SRBD1: variants seen among roughly 807,000 people sequenced by gnomAD.
SRBD1 encodes S1 RNA-binding domain-containing protein 1.
In SRBD1, 88 loss-of-function variants were observed where a neutral mutation model predicts 115.3. The ratio of observed to expected loss-of-function variants is 0.76; its 90% CI spans 0.64 to 0.91. The LOEUF (loss-of-function observed/expected upper bound fraction) is 0.91. Among genes scored for constraint, SRBD1 ranks in the 40% least tolerant of loss-of-function variants. The probability of loss-of-function intolerance (pLI) is 0.00; values close to 1 mark genes in which losing one functional copy is unlikely to be tolerated. For synonymous variants in SRBD1, 509 were observed against 407.7 expected, an observed-to-expected ratio of 1.25 and a Z score of -2.99; for missense variants, 1,385 against 1,177.4, an observed-to-expected ratio of 1.18 and a Z score of -2.58.
At chr2:45,564,127 G>A (rs1207215031) in intron 9 of SRBD1, among the ~76,000 whole-genome samples, 1 of 152,024 alleles carries the variant, frequency 6.6e-6, no homozygotes, top group African/African-American at 2.4e-5. Flanking sequence ...AGGAATGCCC[G>A]GTTGATTTAA....
At chr2:45,496,665 A>G (rs1053076324) in intron 14 of SRBD1, among the ~76,000 whole-genome samples, 12 of 152,138 alleles carry the variant, frequency 7.9e-5, no homozygotes, top group Admixed American at 7.9e-4. Flanking sequence ...AATGACATAC[A>G]TTCATGATGC....
At chr2:45,476,190 T>A (rs1415491070) in intron 16 of SRBD1, among the ~76,000 whole-genome samples, 4 of 152,188 alleles carry the variant, frequency 2.6e-5, no homozygotes, top group Non-Finnish European at 4.4e-5. Flanking sequence ...TACCATGAGA[T>A]CTTGGGTAAA....
At chr2:45,534,093 GT>G (rs1038290260) in intron 14 of SRBD1, among the ~76,000 whole-genome samples, 4 of 151,908 alleles carry the variant, frequency 2.6e-5, no homozygotes, top group Admixed American at 2.6e-4. Context: ...TACAAAACTG[GT>G]AAAACATTTT....
At chr2:45,432,986 TCCAGATGAAACAC>T (rs1274056843) in intron 16 of SRBD1, among the ~76,000 whole-genome samples, 2 of 152,174 alleles carry the variant, frequency 1.3e-5, no homozygotes, top group Non-Finnish European at 2.9e-5. Context: ...TTAAAGTCCT[TCCAGATGAAACAC>T]TGTGGACTAC....
At chr2:45,467,984 A>C (rs1669539410) in intron 16 of SRBD1, among the ~76,000 whole-genome samples, 2 of 152,144 alleles carry the variant, frequency 1.3e-5, no homozygotes, top group African/African-American at 4.8e-5. Flanking sequence ...TATAAGCAAC[A>C]CCAACCAGTT....
intron 16 of SRBD1, among the ~76,000 whole-genome samples, chr2:45,472,391 A>G (rs546765700): frequency 3.3e-5 from 5 of 152,254 alleles, no homozygotes; most frequent in Non-Finnish European, 7.3e-5. Context: ...TCACAACTCC[A>G]TGACTATACT....
intron 14 of SRBD1, among the ~76,000 whole-genome samples, chr2:45,520,013 C>T (rs1054967100): frequency 6.6e-6 from 1 of 152,152 alleles, no homozygotes; most frequent in Admixed American, 6.5e-5. Flanking sequence ...TTAACCACTG[C>T]CCTGTACAAG....
chr2:45,412,222 G>T (rs1029776202), intron 19 of SRBD1, among the ~76,000 whole-genome samples: 1 of 152,086 alleles, frequency 6.6e-6, no homozygotes, highest in South Asian at 2.1e-4. Flanking sequence ...TGGCTATATA[G>T]GAATTCACTG....
At chr2:45,597,197 G>T (rs1256038912) in intron 4 of SRBD1, among the ~76,000 whole-genome samples, 1 of 152,084 alleles carries the variant, frequency 6.6e-6, no homozygotes, top group Non-Finnish European at 1.5e-5. Flanking sequence ...GAGGTGGGCG[G>T]ATCACCAGGT....
intron 12 of SRBD1, among the ~76,000 whole-genome samples, chr2:45,549,299 G>T (rs377714797): frequency 7.0e-4 from 93 of 132,174 alleles, no homozygotes; most frequent in Admixed American, 1.8e-3. Context: ...TCCACACAGA[G>T]TTTTTTTTTT....
chr2:45,506,430 C>G (rs1401696843), intron 14 of SRBD1, among the ~76,000 whole-genome samples: 1 of 152,092 alleles, frequency 6.6e-6, no homozygotes, highest in African/African-American at 2.4e-5. Flanking sequence ...ACAGAAAGGC[C>G]TTTGGAAGTA....
intron 5 of SRBD1, among the ~76,000 whole-genome samples, chr2:45,583,091 ACCT>A (rs1315128299): frequency 3.9e-5 from 6 of 152,142 alleles, no homozygotes; most frequent in African/African-American, 7.2e-5. Flanking sequence ...CTATTGTATT[ACCT>A]CCTATTTATA....
At chr2:45,535,360 T>C (rs928124418) in intron 14 of SRBD1, among the ~76,000 whole-genome samples, 2 of 152,036 alleles carry the variant, frequency 1.3e-5, no homozygotes, top group African/African-American at 2.4e-5. Context: ...GTTTTATTTG[T>C]AAGAAACGCA....
chr2:45,484,360 G>C (rs1670052482), intron 15 of SRBD1, among the ~76,000 whole-genome samples: 1 of 151,980 alleles, frequency 6.6e-6, no homozygotes, highest in Admixed American at 6.6e-5. Flanking sequence ...CCTCTTATCT[G>C]CACAGGTTTA....
At chr2:45,597,704 C>T (rs1176489633) in intron 4 of SRBD1, among the ~76,000 whole-genome samples, 1 of 152,098 alleles carries the variant, frequency 6.6e-6, no homozygotes, top group Non-Finnish European at 1.5e-5. Context: ...ACATTCTGTC[C>T]CTTTTGTTCT....
chr2:45,523,331 T>G (rs952291065), intron 14 of SRBD1, among the ~76,000 whole-genome samples: 8 of 109,822 alleles, frequency 7.3e-5, no homozygotes, highest in Admixed American at 2.5e-4. Flanking sequence ...AAGGAAGTAA[T>G]AAAGATTACA....
intron 16 of SRBD1, 22 bp downstream of exon 16, chr2:45,476,971 T>G: frequency 8.1e-6 from 13 of 1,608,838 alleles, no homozygotes; most frequent in Non-Finnish European, 1.0e-5. Context: ...TTTCATAAAT[T>G]AAATGATCCA....
chr2:45,480,497 G>A (rs1182520467), intron 15 of SRBD1, among the ~76,000 whole-genome samples: 1 of 152,170 alleles, frequency 6.6e-6, no homozygotes, highest in Non-Finnish European at 1.5e-5. Context: ...AGATGTCGTG[G>A]AAATAGGAAG....
At chr2:45,460,304 A>C (rs1228468818) in intron 16 of SRBD1, among the ~76,000 whole-genome samples, 2 of 152,210 alleles carry the variant, frequency 1.3e-5, no homozygotes, top group Non-Finnish European at 2.9e-5. Context: ...ATTTGTCAAC[A>C]CATATCCGAC....
Sources: gnomAD v4.1 joint callset for allele counts (sites outside exome capture counted in the v4.1 genomes callset) on GRCh38, gnomAD v4.1.1 for gene constraint, MANE v1.5 for transcripts, NCBI Gene and HGNC (gene_info 2026-07-23, HGNC 2026-07-21) for gene names.